SLC12A7: variants seen among roughly 807,000 people sequenced by gnomAD.
SLC12A7 encodes solute carrier family 12 member 7.
Under a neutral mutation model 120.6 loss-of-function variants are expected in SLC12A7, and 100 were observed. The ratio of observed to expected loss-of-function variants is 0.83; its 90% CI spans 0.71 to 0.98. The LOEUF is 0.98. Ranked by LOEUF, SLC12A7 falls within the 50% of genes least tolerant of loss-of-function variation. The pLI, the probability that SLC12A7 is intolerant of heterozygous loss-of-function variation, is 0.00. For missense variants in SLC12A7, 1,373 were observed against 1,548.1 expected (o/e 0.89, Z 1.90); for synonymous variants, 760 against 678.0 (o/e 1.12, Z -1.88).
chr5:1,095,893 G>A (rs1478351806), intron 1 of SLC12A7, among the ~76,000 whole-genome samples: 2 of 152,212 alleles, frequency 1.3e-5, no homozygotes, highest in African/African-American at 4.8e-5. Flanking sequence ...GGTCCTTGGT[G>A]CGACCATGAG....
At chr5:1,134,996 G>A in the SLC12A7 span, among the ~76,000 whole-genome samples, 15 of 150,806 alleles carry the variant, frequency 9.9e-5, no homozygotes, top group African/African-American at 3.0e-4. Flanking sequence ...GTATGGTGGC[G>A]GGGGCCTGTA....
At chr5:1,136,679 G>A in the SLC12A7 span, among the ~76,000 whole-genome samples, 15 of 105,460 alleles carry the variant, frequency 1.4e-4, no homozygotes, top group African/African-American at 2.9e-4. Context: ...ACCAGGACAC[G>A]CAGGCACACA....
chr5:1,107,708 G>T (rs1742637554), intron 1 of SLC12A7, among the ~76,000 whole-genome samples: 1 of 152,204 alleles, frequency 6.6e-6, no homozygotes, highest in East Asian at 1.9e-4. Context: ...CTAAGAAGGG[G>T]ATCTGGTGTC....
Position 1,077,952 on chromosome 5 carries a change from G to A in SLC12A7, c.1510C>T (p.Pro504Ser), listed in dbSNP as rs757403501. 2.5e-6 allele frequency: 4 copies of A among 1,599,900 alleles called. No individual in the cohort carries two copies. Among genetic ancestry groups the A allele is most frequent in the Admixed American group, 3.4e-5 (2 of 58,550 alleles). The change falls in exon 12 of 24, where the codon CCC (proline) becomes TCC (serine). Residue 504 changes from proline to serine, a missense_variant. Transcript: ENST00000264930. ...LVIGMLAWPS[P>S]WVIVIGSFFS... ...AAGGAGCCGATGACGATGACCCAGG[G>A]GGAGGGCCAGGCCAGCATGCCGATG...
chr5:1,061,460 T>C (rs1310893517), intron 20 of SLC12A7, among the ~76,000 whole-genome samples: 1 of 73,878 alleles, frequency 1.4e-5, no homozygotes. Context: ...GCGGGATCCC[T>C]GAGTCTCACC....
intron 5 of SLC12A7, 58 bp downstream of exon 5, chr5:1,088,248 G>T (rs1740106137): frequency 2.0e-6 from 3 of 1,537,814 alleles, no homozygotes; most frequent in Non-Finnish European, 8.8e-7. Flanking sequence ...GTTGCCGTGC[G>T]GCAAAACACA....
At chr5:1,126,604 C>T in the SLC12A7 span, among the ~76,000 whole-genome samples, 1 of 152,078 alleles carries the variant, frequency 6.6e-6, no homozygotes, top group Non-Finnish European at 1.5e-5. Context: ...ACCTAGTACC[C>T]ATTAGTTATC....
the SLC12A7 span, among the ~76,000 whole-genome samples, chr5:1,154,931 C>T: frequency 1.3e-5 from 2 of 152,238 alleles, no homozygotes; most frequent in African/African-American, 4.8e-5. Flanking sequence ...GACATCTGTC[C>T]TCGGGGCCCA....
In SLC12A7 at chr5:1,078,598, G is replaced by A. The variant is rs573610066; in HGVS notation, c.1454+103C>T. On this transcript the variant is annotated intron_variant, in intron 11 of 23. Transcript: ENST00000264930. ...CCAGGACGCCTTCAGCTCTGCACGC[G>A]GACATGAAGTCCTAGGGCGATGTAA... The A allele has an allele frequency of 1.8e-4, 168 of 941,254 alleles. No individual in the cohort carries two copies. In the East Asian group the frequency reaches 3.7e-3, roughly 21 times the overall value. The allele number at this position is 941,254 out of a possible 1,614,324, so 58.3% of individuals were successfully genotyped here.
At chr5:1,069,605 G>A (rs534010608) in intron 17 of SLC12A7, among the ~76,000 whole-genome samples, 9 of 152,322 alleles carry the variant, frequency 5.9e-5, no homozygotes, top group African/African-American at 2.2e-4. Context: ...GAGGAGGCTC[G>A]AGGCGCCCAC....
In SLC12A7 at chr5:1,065,419, C is replaced by T. The variant is rs550543693; in HGVS notation, c.2301G>A (p.Ser767=). 14 of 1,611,978 alleles carry T rather than the reference C, an allele frequency of 8.7e-6. No homozygotes were observed. In the Admixed American group the frequency reaches 1.0e-4, roughly 12 times the overall value. The change falls in exon 18 of 24, where the codon TCG becomes TCA. Residue 767 remains serine, a synonymous_variant. Transcript: ENST00000264930. The part of the protein sequence containing the change: ...KTKGFCQLVV[S]SSLRDGMSHL... Reference sequence around the variant, plus strand: ...GGGACATGCCATCCCGCAGGCTGGACGAGACCACCAGCTGGCAGAAGCCCT... The same window carrying T: ...GGGACATGCCATCCCGCAGGCTGGATGAGACCACCAGCTGGCAGAAGCCCT...
the SLC12A7 span, among the ~76,000 whole-genome samples, chr5:1,142,328 CTCCTCTCCCCTCTCCCCTCTT>C: frequency 9.9e-6 from 1 of 100,942 alleles, no homozygotes; most frequent in Non-Finnish European, 2.0e-5. Flanking sequence ...TCTCCCCTCT[CTCCTCTCCCCTCTCCCCTCTT>C]CCCTCTCCCC....
chr5:1,083,237 G>A (rs1417419965), intron 8 of SLC12A7, among the ~76,000 whole-genome samples: 2 of 148,206 alleles, frequency 1.3e-5, no homozygotes, highest in South Asian at 2.2e-4. Context: ...TGGAAAGCCT[G>A]GGCTTCCTGT....
At chr5:1,149,443 G>A in the SLC12A7 span, among the ~76,000 whole-genome samples, 2 of 152,048 alleles carry the variant, frequency 1.3e-5, no homozygotes, top group East Asian at 1.9e-4. Context: ...CAGGCGTGGT[G>A]GCAGGTGCCT....
At chr5:1,102,405 A>T (rs1406645376) in intron 1 of SLC12A7, among the ~76,000 whole-genome samples, 1 of 152,094 alleles carries the variant, frequency 6.6e-6, no homozygotes, top group Non-Finnish European at 1.5e-5. Flanking sequence ...TCCCTTTCTC[A>T]GTGGCTCATC....
rs1031197924 is a variant in SLC12A7, at chr5:1,057,289, C to T, written c.3026+182G>A. On this transcript the variant is annotated intron_variant, in intron 22 of 23. Transcript: ENST00000264930. ...CGGCCACAGGGCTGAACTCAGGGCCCGGCCTTGGCACCAAAAGGACCCCTC... is the reference window on the plus strand; with the variant it reads ...CGGCCACAGGGCTGAACTCAGGGCCTGGCCTTGGCACCAAAAGGACCCCTC... 15 of 615,144 alleles carry T rather than the reference C, an allele frequency of 2.4e-5. No homozygotes were observed. In the Admixed American group the frequency reaches 2.6e-4, roughly 11 times the overall value. The allele number at this position is 615,144 out of a possible 1,614,324, so 38.1% of individuals were successfully genotyped here.
At chr5:1,108,027 CAT>C (rs1418670706) in intron 1 of SLC12A7, among the ~76,000 whole-genome samples, 1 of 137,276 alleles carries the variant, frequency 7.3e-6, no homozygotes, top group East Asian at 2.1e-4. Context: ...CAAACACACA[CAT>C]ACACACACAC....
At chr5:1,128,518 G>T in the SLC12A7 span, among the ~76,000 whole-genome samples, 1 of 152,304 alleles carries the variant, frequency 6.6e-6, no homozygotes, top group Non-Finnish European at 1.5e-5. Flanking sequence ...GAAGGTTCTA[G>T]AATTCATCTT....
Position 1,075,390 on chromosome 5 carries a change from T to C in SLC12A7, c.1948A>G (p.Lys650Glu). 1 of 1,612,120 alleles carries C rather than the reference T, an allele frequency of 6.2e-7. No homozygotes were observed. The highest frequency in any genetic ancestry group is 8.5e-7 in the Non-Finnish European group (1 of 1,179,382). The part of the protein sequence containing the change: ...SAMLIAGCIY[K>E]YIEYRGAEKE... Reference sequence around the variant, plus strand: ...GCTTACCCGCGGTACTCGATGTACTTGTAGATGCAGCCAGCGATGAGCATG... The same window carrying C: ...GCTTACCCGCGGTACTCGATGTACTCGTAGATGCAGCCAGCGATGAGCATG... The change falls in exon 15 of 24, where the codon AAG becomes GAG. Residue 650 changes from lysine (K) to glutamate (E), a missense_variant. Coordinates refer to ENST00000264930, the MANE Select transcript of SLC12A7 (RefSeq NM_006598.3).
Sources: allele counts gnomAD v4.1 joint callset (sites outside exome capture counted in the v4.1 genomes callset), GRCh38; gene constraint gnomAD v4.1.1; transcripts MANE v1.5; gene names NCBI Gene and HGNC (gene_info 2026-07-23, HGNC 2026-07-21).